Variants in PCDHGA4 observed in about 807,000 individuals in gnomAD.
PCDHGA4 encodes protocadherin gamma subfamily A, 4.
A neutral mutation model predicts 54.6 loss-of-function variants in PCDHGA4; 38 were observed. That is an observed-to-expected ratio of 0.70 (90% confidence interval 0.54 to 0.91). PCDHGA4 has a LOEUF of 0.91. Among genes scored for constraint, PCDHGA4 ranks in the 40% least tolerant of loss-of-function variants. The pLI, the probability that PCDHGA4 is intolerant of heterozygous loss-of-function variation, is 0.00. For synonymous variants in PCDHGA4, 511 were observed against 512.9 expected (o/e 1.00, Z 0.05); for missense variants, 1,298 against 1,220.9 (o/e 1.06, Z -0.94).
intron 1 of PCDHGA4, chr5:141,403,502 A>G: frequency 6.2e-7 from 1 of 1,613,998 alleles, no homozygotes; most frequent in Non-Finnish European, 8.5e-7. Context: ...GAACGTGCAG[A>G]CTGGAGACAA....
At position 141,486,994 on chromosome 5, in the gene PCDHGA4, C is replaced by G. The variant is rs779792543; in HGVS notation, c.2515-7813C>G. ...ATTCAGGTTACAATGCTTGGGTTTC[C>G]TATCAGCTCCTGGAGGCCCCAGATC... On this transcript the variant is annotated intron_variant, in intron 1 of 3. Coordinates refer to ENST00000571252, the MANE Select transcript of PCDHGA4 (RefSeq NM_018917.4). The surrounding 1 kb of genome is among the most constrained non-coding windows in gnomAD (Gnocchi z 5.0). 3 of 1,614,214 alleles carry G rather than the reference C, an allele frequency of 1.9e-6. No individual in the cohort carries two copies. Among genetic ancestry groups the G allele is most frequent in the Admixed American group, 1.7e-5 (1 of 60,030 alleles).
In PCDHGA4 at chr5:141,487,774, C is replaced by T. The variant is rs1272776899; in HGVS notation, c.2515-7033C>T. 2.0e-6 allele frequency: 3 copies of T among 1,534,064 alleles called. 1 individual carries two copies. The highest frequency in any genetic ancestry group is 2.6e-6 in the Non-Finnish European group (3 of 1,135,588). On this transcript the variant is annotated intron_variant, in intron 1 of 3. Transcript: ENST00000571252. The surrounding 1 kb of genome is among the most constrained non-coding windows in gnomAD (Gnocchi z 5.0). Reference sequence around the variant, plus strand: ...ATGTGGTAGACGCTGTGCTTTGTAACTGTTTCGTGAATTAACCAGAGTTGT... The same window carrying T: ...ATGTGGTAGACGCTGTGCTTTGTAATTGTTTCGTGAATTAACCAGAGTTGT...
chr5:141,414,040 C>T, intron 1 of PCDHGA4: 2 of 1,611,438 alleles, frequency 1.2e-6, no homozygotes, highest in Non-Finnish European at 1.7e-6. Context: ...CCGAAAATTA[C>T]CTGACACGCA....
At chr5:141,418,031 G>A (rs760396058) in intron 1 of PCDHGA4, 1 of 1,614,022 alleles carries the variant, frequency 6.2e-7, no homozygotes, top group Non-Finnish European at 8.5e-7. Context: ...AGGGCTTAGT[G>A]TCCTGGATGT....
chr5:141,479,703 C>T (rs1219257838), intron 1 of PCDHGA4: 1 of 152,182 alleles, frequency 6.6e-6, no homozygotes, highest in African/African-American at 2.4e-5. Context: ...AGTGTTAGTC[C>T]CTGTCCTTCC....
chr5:141,410,847 G>GTTT (rs773839667), intron 1 of PCDHGA4: 4 of 158,330 alleles, frequency 2.5e-5, no homozygotes, highest in South Asian at 1.1e-4. Context: ...TTTTGTCTTT[G>GTTT]TCTTTTTTTT....
rs1163950013 is a variant in PCDHGA4 at position 141,512,955 on chromosome 5, A to G, written c.*1782A>G. 2 of 152,234 alleles carry G rather than the reference A, an allele frequency of 1.3e-5. No homozygotes were observed. The highest frequency in any genetic ancestry group is 2.9e-5 in the Non-Finnish European group (2 of 68,046). The allele number at this position is 152,234 out of a possible 1,614,324, so 9.4% of individuals were successfully genotyped here. ...GCTTTTTTTCTTCGACAAAAAAATA[A>G]TAAAACGTTTCTTCTGAAAAGCTGA... On this transcript the variant is annotated 3_prime_UTR_variant, in exon 4 of 4. Coordinates refer to ENST00000571252, the MANE Select transcript of PCDHGA4 (RefSeq NM_018917.4).
chr5:141,429,476 A>T (rs1279691939), intron 1 of PCDHGA4, among the ~76,000 whole-genome samples: 1 of 152,112 alleles, frequency 6.6e-6, no homozygotes, highest in Non-Finnish European at 1.5e-5. Flanking sequence ...CAATCTCCAG[A>T]GTAGCTGAGA....
At chr5:141,385,474 T>G (rs554098554) in intron 1 of PCDHGA4, 33 of 1,436,526 alleles carry the variant, frequency 2.3e-5, no homozygotes, top group Non-Finnish European at 2.7e-5. Context: ...GGTGACACTT[T>G]AATATAGAAC....
chr5:141,399,146 G>T (rs758823968), intron 1 of PCDHGA4: 1 of 1,613,792 alleles, frequency 6.2e-7, no homozygotes, highest in East Asian at 2.2e-5. Context: ...AATGACAATA[G>T]CCCAGAAGTT....
At chr5:141,404,395 CA>C (rs2094524205) in intron 1 of PCDHGA4, 7 of 1,613,768 alleles carry the variant, frequency 4.3e-6, no homozygotes, top group Non-Finnish European at 5.9e-6. Flanking sequence ...ACCCTGATAG[CA>C]ATGAGAATTC....
At chr5:141,510,277 A>C (rs1242709133) in intron 3 of PCDHGA4, among the ~76,000 whole-genome samples, 5 of 151,916 alleles carry the variant, frequency 3.3e-5, no homozygotes, top group Admixed American at 2.6e-4. Flanking sequence ...CATCTTAAAA[A>C]AAAAAAAAAA....
intron 1 of PCDHGA4, chr5:141,389,301 A>T: frequency 6.2e-7 from 1 of 1,614,008 alleles, no homozygotes; most frequent in Non-Finnish European, 8.5e-7. Context: ...TTCACAAGTC[A>T]GGGCTTCTGA....
In PCDHGA4 at chr5:141,485,132, T is replaced by C. The variant is rs1020670896; in HGVS notation, c.2515-9675T>C. On this transcript the variant is annotated intron_variant, in intron 1 of 3. Transcript: ENST00000571252. This position sits in a 1 kb window ranked among gnomAD's most constrained non-coding sequence, Gnocchi z 5.7. ...GGCTGTTTGGGGCGGGTCGGCTTCATCCGCGTCTCAGGAGCAAGTAGAGAA... is the reference window on the plus strand; with the variant it reads ...GGCTGTTTGGGGCGGGTCGGCTTCACCCGCGTCTCAGGAGCAAGTAGAGAA... 8.1e-6 allele frequency: 12 copies of C among 1,489,136 alleles called. No individual in the cohort carries two copies. Among genetic ancestry groups the C allele is most frequent in the East Asian group, 2.3e-5 (1 of 44,214 alleles). The allele number at this position is 1,489,136 out of a possible 1,614,324, so 92.2% of individuals were successfully genotyped here.
intron 1 of PCDHGA4, chr5:141,419,837 C>G (rs778271441): frequency 1.2e-6 from 2 of 1,614,090 alleles, no homozygotes; most frequent in South Asian, 2.2e-5. Context: ...CACTGCCACG[C>G]TGCACCTGGT....
chr5:141,470,022 G>A (rs892106953), intron 1 of PCDHGA4, among the ~76,000 whole-genome samples: 2 of 152,188 alleles, frequency 1.3e-5, no homozygotes, highest in African/African-American at 2.4e-5. Context: ...CCAGCTACTC[G>A]GGATGCTGAG....
At chr5:141,358,884 G>A (rs961371418) in intron 1 of PCDHGA4, among the ~76,000 whole-genome samples, 5 of 152,090 alleles carry the variant, frequency 3.3e-5, no homozygotes, top group Admixed American at 3.3e-4. Flanking sequence ...TGTGGCTCTG[G>A]GATTATTTTA....
intron 1 of PCDHGA4, among the ~76,000 whole-genome samples, chr5:141,359,576 A>C (rs541965330): frequency 6.6e-6 from 1 of 151,854 alleles, no homozygotes; most frequent in East Asian, 1.9e-4. Context: ...TATGATCTTT[A>C]AGATATAACA....
At chr5:141,497,540 C>T (rs866982821) in intron 2 of PCDHGA4, among the ~76,000 whole-genome samples, 5 of 134,944 alleles carry the variant, frequency 3.7e-5, no homozygotes, top group African/African-American at 1.1e-4. Context: ...TGCAACAAAC[C>T]TTTTTTTTTT....
Sources: gnomAD v4.1 joint callset for allele counts (sites outside exome capture counted in the v4.1 genomes callset) on GRCh38, gnomAD v4.1.1 for gene constraint, Gnocchi (gnomAD v3.1) non-coding constraint, MANE v1.5 for transcripts, NCBI Gene and HGNC (gene_info 2026-07-23, HGNC 2026-07-21) for gene names.